Variants in ADAMTSL1 observed in about 807,000 individuals in gnomAD.
The protein encoded by ADAMTSL1 is ADAMTS like 1, also known as ADAMTS-like protein 1.
In ADAMTSL1, 126 loss-of-function variants were observed where a neutral mutation model predicts 201.8. That is an observed-to-expected ratio of 0.62 (90% CI 0.54 to 0.72). ADAMTSL1 has a LOEUF of 0.72. ADAMTSL1 is among the 30% of genes least tolerant of loss of function. The probability of loss-of-function intolerance (pLI) is 0.00; values close to 1 mark genes in which losing one functional copy is unlikely to be tolerated. For missense variants in ADAMTSL1, 2,679 were observed against 2,277.8 expected, an observed-to-expected ratio of 1.18 and a Z score of -3.59; for synonymous variants, 1,121 against 903.4, an observed-to-expected ratio of 1.24 and a Z score of -4.32.
chr9:18,843,942 T>A (rs1825908307), intron 23 of ADAMTSL1, among the ~76,000 whole-genome samples: 2 of 152,138 alleles, frequency 1.3e-5, no homozygotes, highest in Non-Finnish European at 2.9e-5. Flanking sequence ...TCGTGTAAAT[T>A]TTTTTCAAAG....
intron 3 of ADAMTSL1, among the ~76,000 whole-genome samples, chr9:18,560,560 G>A (rs1468449929): frequency 2.0e-5 from 3 of 152,004 alleles, no homozygotes; most frequent in Non-Finnish European, 4.4e-5. Flanking sequence ...ATTTTCTGTT[G>A]TTTGGAATAG....
chr9:18,030,988 G>A (rs986085841), intron 1 of ADAMTSL1, among the ~76,000 whole-genome samples: 2 of 152,096 alleles, frequency 1.3e-5, no homozygotes, highest in Non-Finnish European at 2.9e-5. Context: ...TAAAATTTCT[G>A]TAGTGAATTT....
At chr9:18,556,315 T>C (rs1291293705) in intron 3 of ADAMTSL1, among the ~76,000 whole-genome samples, 7 of 152,028 alleles carry the variant, frequency 4.6e-5, no homozygotes, top group Admixed American at 3.9e-4. Context: ...ATAATTGACT[T>C]TTTACTATAG....
At chr9:18,367,593 T>G (rs1367175522) in intron 2 of ADAMTSL1, among the ~76,000 whole-genome samples, 1 of 151,986 alleles carries the variant, frequency 6.6e-6, no homozygotes. Context: ...ATATATATGA[T>G]AGCTATGAGG....
At chr9:17,927,495 A>G (rs998721103) in intron 1 of ADAMTSL1, among the ~76,000 whole-genome samples, 3 of 151,858 alleles carry the variant, frequency 2.0e-5, no homozygotes, top group African/African-American at 7.2e-5. Context: ...ATATTGATAT[A>G]TAAATTATAT....
intron 2 of ADAMTSL1, among the ~76,000 whole-genome samples, chr9:18,333,205 A>C (rs1466199122): frequency 1.3e-5 from 2 of 152,096 alleles, no homozygotes; most frequent in African/African-American, 4.8e-5. Flanking sequence ...CTGTGTCCCC[A>C]CCTAAATCTC....
chr9:18,065,162 A>G (rs1179931954), intron 1 of ADAMTSL1, among the ~76,000 whole-genome samples: 3 of 152,116 alleles, frequency 2.0e-5, no homozygotes, highest in Non-Finnish European at 4.4e-5. Context: ...TAACTCCAAA[A>G]CATGAAACCT....
At chr9:18,308,172 T>G (rs1233277266) in intron 2 of ADAMTSL1, among the ~76,000 whole-genome samples, 1 of 152,052 alleles carries the variant, frequency 6.6e-6, no homozygotes, top group Non-Finnish European at 1.5e-5. Context: ...TGCACCAGAA[T>G]CTCTGGGACA....
intron 19 of ADAMTSL1, among the ~76,000 whole-genome samples, chr9:18,786,367 A>G (rs1821706884): frequency 6.6e-6 from 1 of 152,222 alleles, no homozygotes; most frequent in African/African-American, 2.4e-5. Flanking sequence ...CCACGGTGGT[A>G]GGAGACAGTA....
At chr9:18,103,783 G>A (rs1180399147) in intron 1 of ADAMTSL1, among the ~76,000 whole-genome samples, 2 of 152,156 alleles carry the variant, frequency 1.3e-5, no homozygotes, top group African/African-American at 4.8e-5. Context: ...TTAAAAGCTG[G>A]AAGGGGCTTT....
intron 2 of ADAMTSL1, among the ~76,000 whole-genome samples, chr9:18,309,776 T>A (rs971441794): frequency 6.6e-6 from 1 of 151,894 alleles, no homozygotes; most frequent in East Asian, 1.9e-4. Context: ...ATTTACAGAT[T>A]CAATGCTATC....
chr9:18,775,624 A>G (rs2133745382), intron 17 of ADAMTSL1, 119 bp from the exon 18 acceptor site: 2 of 1,287,476 alleles, frequency 1.6e-6, no homozygotes, highest in East Asian at 2.5e-5. Context: ...TATTTCTATC[A>G]CAGTGGTTAT....
intron 1 of ADAMTSL1, among the ~76,000 whole-genome samples, chr9:18,120,388 A>C (rs570357333): frequency 2.0e-5 from 3 of 152,242 alleles, no homozygotes; most frequent in African/African-American, 7.2e-5. Flanking sequence ...TGTTCATCAC[A>C]CACCATTCCT....
intron 2 of ADAMTSL1, among the ~76,000 whole-genome samples, chr9:18,424,599 A>G (rs1819118978): frequency 6.6e-6 from 1 of 152,218 alleles, no homozygotes. Context: ...AAAAACACCA[A>G]ACATATACAA....
chr9:18,651,654 G>C (rs1029885003), intron 7 of ADAMTSL1, among the ~76,000 whole-genome samples: 1 of 152,200 alleles, frequency 6.6e-6, no homozygotes, highest in Non-Finnish European at 1.5e-5. Context: ...GTTAGGAAGA[G>C]TGGCATCATT....
Position 17,940,684 on chromosome 9 carries a change from AAC to A in ADAMTSL1, c.87+33763_87+33764del, listed in dbSNP as rs2131345050. ...TTTAATTTTATTATTATTATACCTT[AAC>A]TTTTAGGGTACATGTGCATAACGTG... On this transcript the variant is annotated intron_variant, in intron 1 of 29. Coordinates refer to the ADAMTSL1 transcript ENST00000680146. Among the ~76,000 whole-genome samples, 4 of 145,366 alleles carry A rather than the reference AAC, an allele frequency of 2.8e-5. 1 individual carries two copies. In the South Asian group the frequency reaches 8.8e-4, roughly 32 times the overall value.
intron 23 of ADAMTSL1, among the ~76,000 whole-genome samples, chr9:18,867,162 C>CCA (rs1332533498): frequency 6.6e-6 from 1 of 152,196 alleles, no homozygotes; most frequent in African/African-American, 2.4e-5. Flanking sequence ...GCAGATTCTG[C>CCA]CACACACAGC....
intron 2 of ADAMTSL1, among the ~76,000 whole-genome samples, chr9:18,419,057 T>C (rs1246710753): frequency 6.6e-6 from 1 of 152,200 alleles, no homozygotes; most frequent in Non-Finnish European, 1.5e-5. Flanking sequence ...AATTGATTTT[T>C]GGCAAAGTTG....
intron 2 of ADAMTSL1, among the ~76,000 whole-genome samples, chr9:18,457,884 G>T (rs1337934920): frequency 6.6e-6 from 1 of 152,142 alleles, no homozygotes; most frequent in African/African-American, 2.4e-5. Flanking sequence ...CCTGTATTCT[G>T]TCTAGCTCAT....
Sources: allele counts gnomAD v4.1 joint callset (sites outside exome capture counted in the v4.1 genomes callset), GRCh38; gene constraint gnomAD v4.1.1; transcripts MANE v1.5; gene names NCBI Gene and HGNC (gene_info 2026-07-23, HGNC 2026-07-21).